VAV3: variants seen among roughly 807,000 people sequenced by gnomAD.
The protein encoded by VAV3 is guanine nucleotide exchange factor VAV3.
VAV3 carries 94 observed loss-of-function variants against 131.2 expected under a neutral mutation model. The ratio of observed to expected loss-of-function variants is 0.72; its 90% CI spans 0.61 to 0.85. The LOEUF is 0.85. VAV3 is among the 40% of genes least tolerant of loss of function. The pLI, the probability that VAV3 is intolerant of heterozygous loss-of-function variation, is 0.00. For synonymous variants in VAV3, 349 were observed against 342.0 expected (o/e 1.02, Z -0.22); for missense variants, 939 against 1,002.7 (o/e 0.94, Z 0.86).
At chr1:107,950,365 G>A (rs1257756791) in intron 1 of VAV3, among the ~76,000 whole-genome samples, 1 of 152,158 alleles carries the variant, frequency 6.6e-6, no homozygotes, top group Non-Finnish European at 1.5e-5. Context: ...TGTGGAATGG[G>A]ACAGACTGAG....
chr1:107,962,511 G>A (rs1023760283), intron 1 of VAV3, among the ~76,000 whole-genome samples: 13 of 152,200 alleles, frequency 8.5e-5, no homozygotes, highest in Middle Eastern at 3.4e-3. Context: ...TGTTAAATAC[G>A]TCAAGTTGTT....
chr1:107,819,838 A>G (rs1378473239), intron 2 of VAV3, among the ~76,000 whole-genome samples: 1 of 152,128 alleles, frequency 6.6e-6, no homozygotes, highest in African/African-American at 2.4e-5. Flanking sequence ...TGGGGTTGCC[A>G]TACAAAAATA....
chr1:107,612,628 T>C (rs1652842632), intron 21 of VAV3, among the ~76,000 whole-genome samples: 1 of 152,120 alleles, frequency 6.6e-6, no homozygotes, highest in Non-Finnish European at 1.5e-5. Flanking sequence ...TCCTGCTCCT[T>C]TGCATACTGA....
chr1:107,820,603 CTA>C (rs1272234820), intron 2 of VAV3, among the ~76,000 whole-genome samples: 3 of 151,936 alleles, frequency 2.0e-5, no homozygotes, highest in Middle Eastern at 3.4e-3. Context: ...TAAAAAATAA[CTA>C]AAAGTATAAT....
chr1:107,588,161 G>A (rs1454610063), intron 25 of VAV3, among the ~76,000 whole-genome samples: 3 of 152,158 alleles, frequency 2.0e-5, no homozygotes, highest in Non-Finnish European at 4.4e-5. Flanking sequence ...AGATCCTGAA[G>A]TAACTAAATA....
intron 15 of VAV3, among the ~76,000 whole-genome samples, chr1:107,743,665 TA>T (rs1378961964): frequency 6.6e-6 from 1 of 152,218 alleles, no homozygotes; most frequent in Non-Finnish European, 1.5e-5. Flanking sequence ...TTTCCTCTGG[TA>T]ATTCTCTCTC....
At chr1:107,818,565 A>T (rs1189339550) in intron 2 of VAV3, among the ~76,000 whole-genome samples, 1 of 152,204 alleles carries the variant, frequency 6.6e-6, no homozygotes, top group African/African-American at 2.4e-5. Context: ...AGTTAAAATA[A>T]ACTAAAGGTA....
intron 15 of VAV3, among the ~76,000 whole-genome samples, chr1:107,728,600 C>CGTAGATGTATATGTATAT (rs1662001914): frequency 7.3e-6 from 1 of 136,908 alleles, no homozygotes; most frequent in Non-Finnish European, 1.5e-5. Context: ...TATACGTATA[C>CGTAGATGTATATGTATAT]GTATATGTAT....
chr1:107,599,356 C>T (rs1179324466), intron 24 of VAV3, among the ~76,000 whole-genome samples: 1 of 152,142 alleles, frequency 6.6e-6, no homozygotes, highest in African/African-American at 2.4e-5. Flanking sequence ...CATTGACCTT[C>T]AGGTACAACA....
chr1:107,860,012 T>C (rs1669662425), intron 2 of VAV3, among the ~76,000 whole-genome samples: 1 of 152,210 alleles, frequency 6.6e-6, no homozygotes, highest in Non-Finnish European at 1.5e-5. Context: ...TTGAAGTATT[T>C]AGGGGACAAA....
chr1:107,913,394 A>G (rs1234715406), intron 1 of VAV3, among the ~76,000 whole-genome samples: 1 of 152,254 alleles, frequency 6.6e-6, no homozygotes, highest in Non-Finnish European at 1.5e-5. Flanking sequence ...CACAACCAAG[A>G]GTACAAAATT....
At chr1:107,836,535 A>C (rs74399981) in intron 2 of VAV3, among the ~76,000 whole-genome samples, 21,508 of 152,114 alleles carry the variant, frequency 0.14, 1,688 homozygotes, top group East Asian at 0.23. Context: ...CAAGAACAAA[A>C]CAAGCTCAAA....
At chr1:107,932,775 T>G (rs1310415069) in intron 1 of VAV3, among the ~76,000 whole-genome samples, 1 of 152,164 alleles carries the variant, frequency 6.6e-6, no homozygotes, top group East Asian at 1.9e-4. Context: ...ATTACAGTGA[T>G]GTGATTTGAA....
At position 107,704,604 on chromosome 1, in the gene VAV3, C is replaced by T. The variant is rs756431391; in HGVS notation, c.1651G>A (p.Ala551Thr). 2.5e-6 allele frequency: 4 copies of T among 1,613,932 alleles called. No homozygotes were observed. The highest frequency in any genetic ancestry group is 1.1e-5 in the South Asian group (1 of 91,076). Residue 551 changes from alanine to threonine, a missense_variant, in exon 17 of 27, where the codon GCA (alanine) becomes ACA (threonine). Ala to Thr is a moderately conservative substitution (Grantham distance 58). Transcript: ENST00000370056. ...ACTCTTCCCAAACATTCTTTGTGTG[C>T]TCTCGCTCCACACTTAAAACATAAA... ...GYLCFKCGAR[A>T]HKECLGRVDN...
intron 17 of VAV3, among the ~76,000 whole-genome samples, chr1:107,700,634 AT>A (rs1660059224): frequency 1.3e-5 from 2 of 152,092 alleles, no homozygotes; most frequent in Admixed American, 1.3e-4. Context: ...ACATGATCTC[AT>A]TCCTCTTTAT....
intron 2 of VAV3, among the ~76,000 whole-genome samples, chr1:107,816,280 T>C (rs1667556612): frequency 6.6e-6 from 1 of 152,230 alleles, no homozygotes; most frequent in South Asian, 2.1e-4. Flanking sequence ...TTGGACAAGT[T>C]ACTTCACTTC....
intron 5 of VAV3, among the ~76,000 whole-genome samples, chr1:107,772,233 A>G (rs891552930): frequency 2.0e-5 from 3 of 152,352 alleles, no homozygotes; most frequent in Admixed American, 1.3e-4. Context: ...GGCTATGACA[A>G]TATCTGAAAC....
At chr1:107,715,460 C>T (rs533977907) in intron 15 of VAV3, among the ~76,000 whole-genome samples, 1 of 152,104 alleles carries the variant, frequency 6.6e-6, no homozygotes, top group Admixed American at 6.6e-5. Flanking sequence ...TAATGCTTTT[C>T]TTGTATTAAA....
At chr1:107,630,498 T>A (rs1654384089) in intron 20 of VAV3, among the ~76,000 whole-genome samples, 1 of 152,144 alleles carries the variant, frequency 6.6e-6, no homozygotes, top group South Asian at 2.1e-4. Context: ...TCAGAGTAAG[T>A]AATCTATTTA....
Sources: allele counts gnomAD v4.1 joint callset (sites outside exome capture counted in the v4.1 genomes callset), GRCh38; gene constraint gnomAD v4.1.1; transcripts MANE v1.5; gene names NCBI Gene and HGNC (gene_info 2026-07-23, HGNC 2026-07-21).